KDELR2: variants seen among roughly 807,000 people sequenced by gnomAD.
KDELR2 encodes ER lumen protein-retaining receptor 2.
KDELR2 carries 15 observed loss-of-function variants against 23.9 expected under a neutral mutation model. The ratio of observed to expected loss-of-function variants is 0.63; its 90% CI spans 0.42 to 0.97. The LOEUF (loss-of-function observed/expected upper bound fraction) is 0.97, where lower values mean the gene tolerates loss of function less well. Among genes scored for constraint, KDELR2 ranks in the 50% least tolerant of loss-of-function variants. KDELR2 has a pLI of 0.00. For synonymous variants in KDELR2, 119 were observed against 106.2 expected (o/e 1.12, Z -0.74); for missense variants, 272 against 254.6 (o/e 1.07, Z -0.46).
At chr7:6,483,473 C>T (rs1785953489) in intron 1 of KDELR2, among the ~76,000 whole-genome samples, 1 of 152,204 alleles carries the variant, frequency 6.6e-6, no homozygotes, top group Non-Finnish European at 1.5e-5. Flanking sequence ...AGTGACCTCT[C>T]CCGGCGCCCG....
At chr7:6,483,747 G>T (rs1331135791) in intron 1 of KDELR2, among the ~76,000 whole-genome samples, 1 of 152,140 alleles carries the variant, frequency 6.6e-6, no homozygotes, top group East Asian at 1.9e-4. Flanking sequence ...CGCGGGGACC[G>T]ACTGCAGAGC....
Position 6,469,673 on chromosome 7 carries a change from TATC to T in KDELR2, c.271_273del (p.Asp91del). 6.2e-7 allele frequency: 1 copy of T among 1,614,030 alleles called. No homozygotes were observed. Among genetic ancestry groups the T allele is most frequent in the Non-Finnish European group, 8.5e-7 (1 of 1,179,952 alleles). ...ACCACCAGAAACTCCACTCGGAAGG[TATC>T]ATGATTTCCATCGTAGGTTGCCTTA... On this transcript the variant is annotated inframe_deletion, in exon 3 of 5. Coordinates refer to ENST00000258739, the MANE Select transcript of KDELR2 (RefSeq NM_006854.4).
rs1007190343 is a variant in KDELR2, at chr7:6,461,959, A to G, written c.*1182T>C. Reference sequence around the variant, plus strand: ...CAGCCCTACAGAGCTTTTGTTGCCAATTGAAAAACAAAAAAATCCCAACAC... The same window carrying G: ...CAGCCCTACAGAGCTTTTGTTGCCAGTTGAAAAACAAAAAAATCCCAACAC... On this transcript the variant is annotated 3_prime_UTR_variant, in exon 5 of 5. Transcript: ENST00000258739. 12 of 152,164 alleles carry G rather than the reference A, an allele frequency of 7.9e-5. No homozygotes were observed. Among genetic ancestry groups the G allele is most frequent in the Non-Finnish European group, 1.5e-4 (10 of 68,034 alleles). 9.4% of individuals were successfully genotyped at this position (152,164 alleles called of 1,614,324 possible).
At chr7:6,479,224 C>A (rs977249598) in intron 1 of KDELR2, among the ~76,000 whole-genome samples, 4 of 152,044 alleles carry the variant, frequency 2.6e-5, no homozygotes, top group African/African-American at 9.7e-5. Context: ...ATGGTGTGAT[C>A]ACGGCTCGCT....
intron 4 of KDELR2, among the ~76,000 whole-genome samples, chr7:6,463,428 T>C (rs1785429208): frequency 6.6e-6 from 1 of 152,180 alleles, no homozygotes; most frequent in Admixed American, 6.6e-5. Context: ...GCCTATGAAA[T>C]TCTGGGTACT....
intron 4 of KDELR2, among the ~76,000 whole-genome samples, chr7:6,464,725 C>CT (rs946547515): frequency 4.0e-5 from 5 of 123,524 alleles, no homozygotes; most frequent in Admixed American, 2.6e-4. Context: ...CATATATGCT[C>CT]TTTTTTTTCT....
chr7:6,474,437 G>A (rs531330845), intron 1 of KDELR2, among the ~76,000 whole-genome samples, 153 bp from the exon 2 acceptor site: 25 of 152,280 alleles, frequency 1.6e-4, no homozygotes, highest in African/African-American at 5.5e-4. Flanking sequence ...AGCAGTTGTA[G>A]TTTTTCTATC....
intron 3 of KDELR2, among the ~76,000 whole-genome samples, chr7:6,467,105 T>C (rs1045936599): frequency 1.3e-5 from 2 of 152,170 alleles, no homozygotes; most frequent in East Asian, 1.9e-4. Context: ...TTCATCACCT[T>C]GTCTCTCCAG....
At chr7:6,466,405 A>C in intron 3 of KDELR2, 82 bp from the exon 4 acceptor site, 2 of 1,544,842 alleles carry the variant, frequency 1.3e-6, no homozygotes, top group East Asian at 4.5e-5. Context: ...TCTTTACCAC[A>C]AAGCAGCCTA....
In KDELR2 at chr7:6,474,283, A is replaced by G. The variant is rs771198290; in HGVS notation, c.93T>C (p.Gly31=). Residue 31 remains glycine, a splice_region_variant and synonymous_variant, in exon 2 of 5, where the codon GGT becomes GGC. Coordinates refer to ENST00000258739, the MANE Select transcript of KDELR2 (RefSeq NM_006854.4). ...ACAGAAGCTGGCTTTTCCCAGAAAT[A>G]CCTAGAGAAACAGAAGGGAAGTATT... The part of the protein sequence containing the change: ...LKIWKTRSCA[G]ISGKSQLLFA... 6.2e-7 allele frequency: 1 copy of G among 1,602,372 alleles called. No homozygotes were observed. The highest frequency in any genetic ancestry group is 1.7e-5 in the Admixed American group (1 of 59,982).
At chr7:6,482,436 G>C (rs1027713373) in intron 1 of KDELR2, 7 of 326,962 alleles carry the variant, frequency 2.1e-5, no homozygotes, top group African/African-American at 1.5e-4. Flanking sequence ...TCATACAGTT[G>C]AACCTCTCAG....
intron 1 of KDELR2, among the ~76,000 whole-genome samples, chr7:6,476,257 T>A (rs1785749589): frequency 6.6e-6 from 1 of 152,124 alleles, no homozygotes; most frequent in African/African-American, 2.4e-5. Flanking sequence ...CCCTTCCAGA[T>A]CCATCAATAG....
At chr7:6,479,157 TTTTG>T (rs1035669338) in intron 1 of KDELR2, among the ~76,000 whole-genome samples, 36 of 152,166 alleles carry the variant, frequency 2.4e-4, no homozygotes, top group South Asian at 1.2e-3. Flanking sequence ...CTTTTCTCTC[TTTTG>T]TTTGTCTTTT....
intron 1 of KDELR2, among the ~76,000 whole-genome samples, chr7:6,481,008 CATTT>C (rs1785875724): frequency 6.6e-6 from 1 of 152,042 alleles, no homozygotes; most frequent in Non-Finnish European, 1.5e-5. Flanking sequence ...CCTTCGTTAG[CATTT>C]TAGCTGAAGT....
intron 1 of KDELR2, among the ~76,000 whole-genome samples, chr7:6,479,507 T>A (rs1004805317): frequency 6.6e-6 from 1 of 151,902 alleles, no homozygotes; most frequent in African/African-American, 2.4e-5. Context: ...AGACGGAGTC[T>A]CCCTCTGTCA....
At chr7:6,464,795 G>T (rs1234402533) in intron 4 of KDELR2, among the ~76,000 whole-genome samples, 1 of 148,632 alleles carries the variant, frequency 6.7e-6, no homozygotes, top group African/African-American at 2.5e-5. Context: ...GAGTGCAATG[G>T]CGTGATATCA....
chr7:6,467,287 G>A (rs1785522717), intron 3 of KDELR2, among the ~76,000 whole-genome samples: 1 of 152,128 alleles, frequency 6.6e-6, no homozygotes, highest in South Asian at 2.1e-4. Context: ...TTTCCTCACT[G>A]ACTGATCTTG....
chr7:6,473,837 G>T (rs1349033703), intron 2 of KDELR2, among the ~76,000 whole-genome samples: 2 of 152,140 alleles, frequency 1.3e-5, no homozygotes, highest in Non-Finnish European at 2.9e-5. Context: ...TTTCTCTGGG[G>T]ACTCTGTAAT....
chr7:6,479,064 CAGGT>C (rs1420683909), intron 1 of KDELR2, among the ~76,000 whole-genome samples: 1 of 152,150 alleles, frequency 6.6e-6, no homozygotes, highest in Admixed American at 6.6e-5. Context: ...GCTGGAATTA[CAGGT>C]GTAAGCCACC....
Sources: allele counts gnomAD v4.1 joint callset (sites outside exome capture counted in the v4.1 genomes callset), GRCh38; gene constraint gnomAD v4.1.1; transcripts MANE v1.5; gene names NCBI Gene and HGNC (gene_info 2026-07-23, HGNC 2026-07-21).